Variants in MRC1 observed in about 807,000 individuals in gnomAD.
The protein encoded by MRC1 is macrophage mannose receptor 1.
Under a neutral mutation model 102.9 loss-of-function variants are expected in MRC1, and 62 were observed. That is an observed-to-expected ratio of 0.60 (90% CI 0.49 to 0.74). The LOEUF (loss-of-function observed/expected upper bound fraction) is 0.74, where lower values mean the gene tolerates loss of function less well. MRC1 is among the 30% of genes least tolerant of loss of function. MRC1 has a pLI of 0.00. For synonymous variants in MRC1, 457 were observed against 298.4 expected, an observed-to-expected ratio of 1.53 and a Z score of -5.48; for missense variants, 1,237 against 862.8, an observed-to-expected ratio of 1.43 and a Z score of -5.43.
intron 2 of MRC1, among the ~76,000 whole-genome samples, chr10:17,823,727 G>A (rs1838433044): frequency 8.5e-5 from 13 of 152,098 alleles, no homozygotes; most frequent in Admixed American, 8.5e-4. Context: ...CTTTCTCTGA[G>A]GTTTTATTTT....
chr10:17,894,012 G>A (rs3780958), intron 22 of MRC1, among the ~76,000 whole-genome samples, 198 bp from the exon 23 acceptor site: 4,373 of 152,272 alleles, frequency 0.029, 252 homozygotes, highest in East Asian at 0.24. Context: ...TTCATATAGT[G>A]AGAGTTCAAA....
In MRC1 at chr10:17,823,077, C is replaced by T. The variant is rs1261449432; in HGVS notation, c.65C>T (p.Thr22Ile). 9.0e-6 allele frequency: 7 copies of T among 780,742 alleles called. No homozygotes were observed. Among genetic ancestry groups the T allele is most frequent in the African/African-American group, 6.8e-5 (4 of 59,142 alleles). The allele number at this position is 780,742 out of a possible 1,614,324, so 48.4% of individuals were successfully genotyped here. A position where few individuals can be genotyped will look rare whatever the true frequency, so the allele number is the denominator to read the frequency against. Reference sequence around the variant, plus strand: ...CTGCTTCTTTCTTTTTAAACAGACACCAGGCAATTTTTAATCTATAATGAA... The same window carrying T: ...CTGCTTCTTTCTTTTTAAACAGACATCAGGCAATTTTTAATCTATAATGAA... ...VIPGAVLLLD[T>I]RQFLIYNEDH... Residue 22 changes from threonine to isoleucine, a missense_variant, in exon 2 of 30, where the codon ACC becomes ATC. Transcript: ENST00000569591.
intron 21 of MRC1, among the ~76,000 whole-genome samples, chr10:17,884,838 A>C (rs1298704456): frequency 3.9e-5 from 6 of 152,184 alleles, no homozygotes; most frequent in African/African-American, 1.4e-4. Flanking sequence ...TTTTTTCAGA[A>C]CTGTCTGGGT....
At chr10:17,892,332 C>T (rs1358105875) in intron 22 of MRC1, among the ~76,000 whole-genome samples, 2 of 152,194 alleles carry the variant, frequency 1.3e-5, no homozygotes, top group Non-Finnish European at 2.9e-5. Context: ...AACTTGTCCA[C>T]ACTGAACCTC....
intron 4 of MRC1, among the ~76,000 whole-genome samples, chr10:17,839,444 G>C (rs1554839703): frequency 1.3e-5 from 2 of 148,558 alleles, no homozygotes; most frequent in Non-Finnish European, 3.0e-5. Context: ...ATACGTCTGT[G>C]CAAGTAGAAA....
At chr10:17,812,317 C>T (rs1269442980) in intron 1 of MRC1, among the ~76,000 whole-genome samples, 7 of 152,050 alleles carry the variant, frequency 4.6e-5, no homozygotes, top group East Asian at 1.9e-4. Flanking sequence ...CCATGAGAGC[C>T]GGTGGGACAC....
At chr10:17,870,635 ACT>A (rs1487215827) in intron 13 of MRC1, among the ~76,000 whole-genome samples, 1 of 152,106 alleles carries the variant, frequency 6.6e-6, no homozygotes, top group African/African-American at 2.4e-5. Context: ...ACCATTATTT[ACT>A]CTCAGGCAGT....
chr10:17,862,875 A>G (rs1176908870), intron 10 of MRC1: 1 of 152,190 alleles, frequency 6.6e-6, no homozygotes, highest in Non-Finnish European at 1.5e-5. Context: ...GTCATTTTAG[A>G]CAAGTTTTCA....
chr10:17,892,997 A>G (rs1164807476), intron 22 of MRC1, among the ~76,000 whole-genome samples: 1 of 143,346 alleles, frequency 7.0e-6, no homozygotes, highest in African/African-American at 2.6e-5. Context: ...CGACAGAGCG[A>G]GACTCCATCT....
At chr10:17,828,276 CTG>C (rs1838514280) in intron 3 of MRC1, among the ~76,000 whole-genome samples, 1 of 151,422 alleles carries the variant, frequency 6.6e-6, no homozygotes. Context: ...CGGGGTTTCA[CTG>C]TGTTAGCCAG....
At chr10:17,884,068 G>A (rs1315406021) in intron 21 of MRC1, among the ~76,000 whole-genome samples, 1 of 152,210 alleles carries the variant, frequency 6.6e-6, no homozygotes, top group African/African-American at 2.4e-5. Flanking sequence ...CTGGGCTCAA[G>A]TAATCCTCCT....
At chr10:17,858,248 A>G in intron 9 of MRC1, among the ~76,000 whole-genome samples, 1 of 152,070 alleles carries the variant, frequency 6.6e-6, no homozygotes, top group Non-Finnish European at 1.5e-5. Flanking sequence ...ATATTATTTT[A>G]TTATACTTTC....
intron 22 of MRC1, among the ~76,000 whole-genome samples, chr10:17,889,368 T>C (rs990202781): frequency 2.6e-5 from 4 of 152,218 alleles, no homozygotes; most frequent in Non-Finnish European, 5.9e-5. Flanking sequence ...TTTTGTATGA[T>C]TTTATTTGTT....
Position 17,881,221 on chromosome 10 carries a change from T to C in MRC1, c.2980+40T>C. On this transcript the variant is annotated intron_variant, in intron 21 of 29. Coordinates refer to ENST00000569591, the MANE Select transcript of MRC1 (RefSeq NM_002438.4). Reference sequence around the variant, plus strand: ...TTGCAATTAGTTGTGTGTTTAAATATGGAATTCTGACTGCAAAATGGTAAA... The same window carrying C: ...TTGCAATTAGTTGTGTGTTTAAATACGGAATTCTGACTGCAAAATGGTAAA... The C allele has an allele frequency of 1.7e-5, 13 of 770,684 alleles. No homozygotes were observed. In the South Asian group the frequency reaches 1.8e-4, roughly 11 times the overall value. The allele number at this position is 770,684 out of a possible 1,614,324, so 47.7% of individuals were successfully genotyped here.
rs571059465 is a variant in MRC1, at chr10:17,866,343, T to C, written c.1784-219T>C. On this transcript the variant is annotated intron_variant, in intron 11 of 29. Transcript: ENST00000569591. ...AGAAGCAGTAAACTATTTTTGCCAT[T>C]ATGGTGAATTTGATAATATAAAATA... Among the ~76,000 whole-genome samples the C allele has an allele frequency of 1.4e-3, 187 of 137,322 alleles. 1 individual carries two copies. The highest frequency in any genetic ancestry group is 4.5e-3 in the African/African-American group (177 of 39,598). 90.1% of individuals were successfully genotyped at this position (137,322 alleles called of 152,430 possible). A position where few individuals can be genotyped will look rare whatever the true frequency, so the allele number is the denominator to read the frequency against.
chr10:17,844,331 G>A (rs1052277288), intron 5 of MRC1, among the ~76,000 whole-genome samples: 2 of 152,050 alleles, frequency 1.3e-5, no homozygotes, highest in African/African-American at 2.4e-5. Context: ...CAATTCTCCT[G>A]CCTCAGCCTC....
chr10:17,828,825 T>A (rs1394906172), intron 3 of MRC1, among the ~76,000 whole-genome samples: 1 of 151,522 alleles, frequency 6.6e-6, no homozygotes, highest in East Asian at 1.9e-4. Flanking sequence ...GAATTCTTGG[T>A]GTTCTTCCAC....
intron 4 of MRC1, among the ~76,000 whole-genome samples, chr10:17,836,707 G>C (rs1838669230): frequency 6.6e-6 from 1 of 152,006 alleles, no homozygotes; most frequent in Non-Finnish European, 1.5e-5. Context: ...ACGGTGGCAG[G>C]CTCCTGTATT....
At chr10:17,880,816 A>G (rs541943417) in intron 20 of MRC1, 146 bp downstream of exon 20, 55,985 of 748,046 alleles carry the variant, frequency 0.075, 2,638 homozygotes, top group South Asian at 0.13. Flanking sequence ...CAAACTCTTT[A>G]TGGAAATTGA....
Sources: allele counts gnomAD v4.1 joint callset (sites outside exome capture counted in the v4.1 genomes callset), GRCh38; gene constraint gnomAD v4.1.1; transcripts MANE v1.5; gene names NCBI Gene and HGNC (gene_info 2026-07-23, HGNC 2026-07-21).